GRM5: variants seen among roughly 807,000 people sequenced by gnomAD.
The protein encoded by GRM5 is metabotropic glutamate receptor 5.
GRM5 carries 19 observed loss-of-function variants against 83.1 expected under a neutral mutation model. The ratio of observed to expected loss-of-function variants is 0.23; its 90% CI spans 0.16 to 0.34. GRM5 has a LOEUF of 0.34. GRM5 is among the 10% of genes least tolerant of loss of function. GRM5 has a pLI of 1.00. For missense variants in GRM5, 1,160 were observed against 1,588.3 expected, an observed-to-expected ratio of 0.73 and a Z score of 4.58; for synonymous variants, 675 against 633.6, an observed-to-expected ratio of 1.07 and a Z score of -0.98.
intron 3 of GRM5, among the ~76,000 whole-genome samples, chr11:88,817,672 T>C (rs1565245259): frequency 6.6e-6 from 1 of 152,014 alleles, no homozygotes; most frequent in African/African-American, 2.4e-5. Flanking sequence ...GAGGGAAATA[T>C]AATAACACTG....
intron 4 of GRM5, among the ~76,000 whole-genome samples, chr11:88,618,347 C>T (rs1938540417): frequency 6.6e-6 from 1 of 152,200 alleles, no homozygotes; most frequent in Non-Finnish European, 1.5e-5. Flanking sequence ...TACTAATCTT[C>T]TTGCTTCATT....
chr11:89,038,976 G>A (rs1301740152), intron 2 of GRM5, among the ~76,000 whole-genome samples: 1 of 152,022 alleles, frequency 6.6e-6, no homozygotes, highest in Non-Finnish European at 1.5e-5. Context: ...TTAAAATATA[G>A]TATATATGGT....
chr11:88,987,016 C>G (rs891235198), intron 2 of GRM5, among the ~76,000 whole-genome samples: 100 of 151,848 alleles, frequency 6.6e-4, no homozygotes, highest in African/African-American at 2.3e-3. Context: ...CCAAGATGGC[C>G]GAATAGGAAC....
At chr11:88,713,685 C>A (rs1471930294) in intron 3 of GRM5, among the ~76,000 whole-genome samples, 1 of 151,970 alleles carries the variant, frequency 6.6e-6, no homozygotes, top group African/African-American at 2.4e-5. Flanking sequence ...AGAAAAACAA[C>A]ATTTTTTCTC....
intron 3 of GRM5, among the ~76,000 whole-genome samples, chr11:88,698,771 T>C (rs1940960589): frequency 6.6e-6 from 1 of 152,186 alleles, no homozygotes; most frequent in South Asian, 2.1e-4. Context: ...GGTCAAATTT[T>C]CAGGTCTTGG....
intron 4 of GRM5, among the ~76,000 whole-genome samples, chr11:88,646,904 A>AAAAG (rs1175618920): frequency 6.6e-6 from 1 of 151,760 alleles, no homozygotes; most frequent in Non-Finnish European, 1.5e-5. Context: ...TACAAAAAAA[A>AAAAG]AACACCACAA....
At chr11:88,790,014 A>ACAC (rs2135473517) in intron 3 of GRM5, among the ~76,000 whole-genome samples, 1 of 152,098 alleles carries the variant, frequency 6.6e-6, no homozygotes, top group African/African-American at 2.4e-5. Flanking sequence ...CAGGCATGCA[A>ACAC]CACCACGCCT....
intron 3 of GRM5, among the ~76,000 whole-genome samples, chr11:88,788,063 A>G (rs984435695): frequency 6.6e-6 from 1 of 151,888 alleles, no homozygotes. Flanking sequence ...CTGAAAGACT[A>G]CTCTCTTTAT....
chr11:88,881,236 G>A (rs1297919103), intron 2 of GRM5, among the ~76,000 whole-genome samples: 7 of 151,404 alleles, frequency 4.6e-5, no homozygotes, highest in Non-Finnish European at 1.5e-5. Flanking sequence ...AATTTTTAAT[G>A]GATTTGAGAC....
intron 2 of GRM5, among the ~76,000 whole-genome samples, chr11:88,942,751 A>T (rs1168327819): frequency 1.3e-5 from 2 of 151,618 alleles, no homozygotes; most frequent in East Asian, 3.9e-4. Flanking sequence ...AAAAAATGGG[A>T]CACAACTGAA....
chr11:88,653,421 A>G lies in GRM5; in HGVS notation c.912-18T>C, dbSNP rs200840708. The G allele has an allele frequency of 1.7e-5, 27 of 1,550,066 alleles. No homozygotes were observed. The highest frequency in any genetic ancestry group is 2.4e-5 in the Non-Finnish European group (27 of 1,123,466). The stretch of plus-strand genomic sequence containing the variant: ...AGCCATCACTGTGGGGAAATAAAAA[A>G]ACCCTCAGCTTAGAACAGATATCTC... On this transcript the variant is annotated intron_variant, in intron 3 of 9. Coordinates refer to ENST00000305447, the MANE Select transcript of GRM5 (RefSeq NM_001143831.3).
At chr11:88,602,148 G>A (rs1938017430) in intron 5 of GRM5, among the ~76,000 whole-genome samples, 1 of 151,834 alleles carries the variant, frequency 6.6e-6, no homozygotes. Flanking sequence ...GATGAAATGT[G>A]ACTGGAACTA....
At chr11:88,595,460 A>G (rs563474790) in intron 6 of GRM5, among the ~76,000 whole-genome samples, 38 of 152,186 alleles carry the variant, frequency 2.5e-4, no homozygotes, top group Non-Finnish European at 2.1e-4. Flanking sequence ...CTGTGAGATC[A>G]ACATTTTTTA....
intron 9 of GRM5, among the ~76,000 whole-genome samples, chr11:88,516,723 GT>G (rs5793328): frequency 2.0e-5 from 3 of 148,324 alleles, no homozygotes; most frequent in South Asian, 2.1e-4. Flanking sequence ...GATTATCCTG[GT>G]TTTTTTTTTT....
At chr11:88,714,142 C>G (rs1228595658) in intron 3 of GRM5, among the ~76,000 whole-genome samples, 1 of 151,822 alleles carries the variant, frequency 6.6e-6, no homozygotes, top group Non-Finnish European at 1.5e-5. Flanking sequence ...TTCAGTTAAC[C>G]AGTGACAAAG....
chr11:88,889,315 C>T (rs1244022046), intron 2 of GRM5, among the ~76,000 whole-genome samples: 3 of 152,076 alleles, frequency 2.0e-5, no homozygotes, highest in Non-Finnish European at 4.4e-5. Flanking sequence ...AAAGTTGGTT[C>T]AGCCTACACC....
At position 88,508,987 on chromosome 11, in the gene GRM5, T is replaced by C. The variant is rs1468469364; in HGVS notation, c.3244A>G (p.Thr1082Ala). Residue 1082 changes from threonine (T) to alanine (A), a missense_variant, in exon 10 of 10, where the codon ACC becomes GCC. Coordinates refer to ENST00000305447, the MANE Select transcript of GRM5 (RefSeq NM_001143831.3). The surrounding 1 kb of genome is among the most constrained non-coding windows in gnomAD (Gnocchi z 4.2). ...ISELNSMMLS[T>A]AAPSPGVGAP... ...CCGACGCCGGGGCTGGGGGCCGCGG[T>C]GGACAGCATCATGGAGTTGAGCTCG... 1 of 1,581,168 alleles carries C rather than the reference T, an allele frequency of 6.3e-7. No individual in the cohort carries two copies. The highest frequency in any genetic ancestry group is 8.6e-7 in the Non-Finnish European group (1 of 1,163,350).
At chr11:88,780,936 C>T (rs2135462673) in intron 3 of GRM5, among the ~76,000 whole-genome samples, 1 of 152,106 alleles carries the variant, frequency 6.6e-6, no homozygotes, top group Admixed American at 6.6e-5. Flanking sequence ...TCTATTCATA[C>T]ATTTCATTTC....
At chr11:88,996,827 A>C (rs1258985580) in intron 2 of GRM5, among the ~76,000 whole-genome samples, 3 of 152,250 alleles carry the variant, frequency 2.0e-5, no homozygotes, top group Admixed American at 6.5e-5. Context: ...TCAAAACATA[A>C]TCAGTAACAG....
Sources: allele counts gnomAD v4.1 joint callset (sites outside exome capture counted in the v4.1 genomes callset), GRCh38; gene constraint gnomAD v4.1.1; non-coding constraint Gnocchi (gnomAD v3.1); transcripts MANE v1.5; gene names NCBI Gene and HGNC (gene_info 2026-07-23, HGNC 2026-07-21).